Variants in PCDHGB5 observed in about 807,000 individuals in gnomAD.
PCDHGB5 encodes the protein protocadherin gamma-B5.
PCDHGB5 carries 48 observed loss-of-function variants against 62.9 expected under a neutral mutation model. The ratio of observed to expected loss-of-function variants is 0.76; its 90% CI spans 0.61 to 0.97. The LOEUF is 0.97. Among genes scored for constraint, PCDHGB5 ranks in the 50% least tolerant of loss-of-function variants. The pLI is 0.00. For synonymous variants in PCDHGB5, 474 were observed against 511.2 expected (o/e 0.93, Z 0.98); for missense variants, 1,118 against 1,198.6 (o/e 0.93, Z 0.99).
chr5:141,426,958 C>A (rs1176636556), intron 1 of PCDHGB5: 1 of 456,728 alleles, frequency 2.2e-6, no homozygotes, highest in South Asian at 1.5e-5. Context: ...GGCACTGCTG[C>A]AATTCAAATT....
At chr5:141,428,002 T>G in intron 1 of PCDHGB5, 1 of 1,601,328 alleles carries the variant, frequency 6.2e-7, no homozygotes, top group Non-Finnish European at 8.5e-7. Context: ...TCCGCACTCT[T>G]CGATATAGTG....
At chr5:141,423,444 A>C (rs1340932902) in intron 1 of PCDHGB5, 1 of 1,614,050 alleles carries the variant, frequency 6.2e-7, no homozygotes. Flanking sequence ...TGCCCACGTC[A>C]CATTTTGTAG....
Position 141,491,992 on chromosome 5 carries a change from T to G in PCDHGB5, c.2398-2815T>G. ...GGCCTCCTTCGAGCTTCCGGTGAAT[T>G]TCGGGCGATTTCCGCGGGTGTCGGG... On this transcript the variant is annotated intron_variant, in intron 1 of 3. Transcript: ENST00000617380. This position sits in a 1 kb window ranked among gnomAD's most constrained non-coding sequence, Gnocchi z 6.9. The G allele has an allele frequency of 1.5e-6, 1 of 684,982 alleles. No homozygotes were observed. The highest frequency in any genetic ancestry group is 2.3e-6 in the Non-Finnish European group (1 of 443,370). The allele number at this position is 684,982 out of a possible 1,614,324, so 42.4% of individuals were successfully genotyped here.
intron 1 of PCDHGB5, chr5:141,402,861 A>G (rs2094315270): frequency 7.0e-7 from 1 of 1,430,150 alleles, no homozygotes; most frequent in Non-Finnish European, 9.2e-7. Context: ...CTTCTAAGGA[A>G]AAGATCACCA....
At position 141,404,150 on chromosome 5, in the gene PCDHGB5, G is replaced by A. The variant is rs1325217999; in HGVS notation, c.2397+3626G>A. ...TTTTACATTAGAAAATTCAGAAGAA[G>A]ATTATTACAGATTGTTGACGGCCCA... is the stretch of plus-strand genomic sequence containing the variant. On this transcript the variant is annotated intron_variant, in intron 1 of 3. Coordinates refer to ENST00000617380, the MANE Select transcript of PCDHGB5 (RefSeq NM_018925.3). 5.0e-6 allele frequency: 8 copies of A among 1,612,830 alleles called. 1 individual carries two copies. In the Middle Eastern group the frequency reaches 6.6e-4, roughly 133 times the overall value.
Position 141,398,388 on chromosome 5 carries a change from C to G in PCDHGB5, c.261C>G (p.Ser87Arg). ...CAGAGAGCGGGGAGTTGCTTGTGAG[C>G]AGCAGGCTAGACAGGGAGGAGATAT... ...VSAESGELLV[S>R]SRLDREEICG... Residue 87 changes from serine (S) to arginine (R), a missense_variant, in exon 1 of 4, where the codon AGC (serine) becomes AGG (arginine). Coordinates refer to ENST00000617380, the MANE Select transcript of PCDHGB5 (RefSeq NM_018925.3). 1 of 1,454,974 alleles carries G rather than the reference C, an allele frequency of 6.9e-7. No individual in the cohort carries two copies. Among genetic ancestry groups the G allele is most frequent in the African/African-American group, 1.4e-5 (1 of 70,568 alleles). 90.1% of individuals were successfully genotyped at this position (1,454,974 alleles called of 1,614,324 possible).
Position 141,490,982 on chromosome 5 carries a change from G to A in PCDHGB5, c.2398-3825G>A, listed in dbSNP as rs964673026. 5 of 1,613,994 alleles carry A rather than the reference G, an allele frequency of 3.1e-6. No homozygotes were observed. Among genetic ancestry groups the A allele is most frequent in the Admixed American group, 1.7e-5 (1 of 60,020 alleles). On this transcript the variant is annotated intron_variant, in intron 1 of 3. Coordinates refer to ENST00000617380, the MANE Select transcript of PCDHGB5 (RefSeq NM_018925.3). This position sits in a 1 kb window ranked among gnomAD's most constrained non-coding sequence, Gnocchi z 5.4. The stretch of plus-strand genomic sequence containing the variant: ...CACTCAGCCCCCCAGCGTCTCCCTC[G>A]CTCTGCTCCTCCTGGCTCCTTGGTC...
At chr5:141,422,721 G>A in intron 1 of PCDHGB5, 1 of 1,605,664 alleles carries the variant, frequency 6.2e-7, no homozygotes, top group East Asian at 2.2e-5. Flanking sequence ...ACACTGTCCA[G>A]GGGGTGCCTC....
chr5:141,492,460 G>T (rs2099740851), intron 1 of PCDHGB5, among the ~76,000 whole-genome samples: 1 of 152,218 alleles, frequency 6.6e-6, no homozygotes, highest in African/African-American at 2.4e-5. Flanking sequence ...GCGCGCCTGA[G>T]GGTCCCAGAT....
In PCDHGB5 at chr5:141,432,645, C is replaced by T. The variant is rs758701539; in HGVS notation, c.2397+32121C>T. On this transcript the variant is annotated intron_variant, in intron 1 of 3. Coordinates refer to ENST00000617380, the MANE Select transcript of PCDHGB5 (RefSeq NM_018925.3). The surrounding 1 kb of genome is among the most constrained non-coding windows in gnomAD (Gnocchi z 6.0). Reference sequence around the variant, plus strand: ...CTGCACACGGGCGAGGTGCGCACGGCGCGAGCCCTGCTGGACAGAGACGCG... The same window carrying T: ...CTGCACACGGGCGAGGTGCGCACGGTGCGAGCCCTGCTGGACAGAGACGCG... 1 of 1,613,746 alleles carries T rather than the reference C, an allele frequency of 6.2e-7. No homozygotes were observed. Among genetic ancestry groups the T allele is most frequent in the Admixed American group, 1.7e-5 (1 of 60,006 alleles).
At chr5:141,419,464 C>T (rs199965876) in intron 1 of PCDHGB5, 35 of 1,612,542 alleles carry the variant, frequency 2.2e-5, no homozygotes, top group Middle Eastern at 1.7e-4. Context: ...TGCAGGCCCG[C>T]GACCAGGGCT....
At chr5:141,508,017 G>C (rs2099865601) in intron 3 of PCDHGB5, 1 of 152,310 alleles carries the variant, frequency 6.6e-6, no homozygotes, top group Non-Finnish European at 1.5e-5. Context: ...TCTCAAGGAG[G>C]CTGCGGTTTG....
chr5:141,404,018 G>A (rs1280619437), intron 1 of PCDHGB5: 1 of 1,613,864 alleles, frequency 6.2e-7, no homozygotes, highest in African/African-American at 1.3e-5. Flanking sequence ...GTTTAGCCCA[G>A]TGAGAGAAGA....
intron 1 of PCDHGB5, chr5:141,421,214 G>T (rs1469085534): frequency 5.1e-6 from 8 of 1,561,612 alleles, no homozygotes; most frequent in Non-Finnish European, 6.9e-6. Flanking sequence ...CGGAATATCG[G>T]CTTAGAGCCT....
At chr5:141,410,105 A>G in intron 1 of PCDHGB5, 1 of 1,612,376 alleles carries the variant, frequency 6.2e-7, no homozygotes, top group South Asian at 1.1e-5. Context: ...CTTAGGCGAC[A>G]GGGACGCAGC....
intron 1 of PCDHGB5, among the ~76,000 whole-genome samples, chr5:141,462,819 A>G (rs1182498111): frequency 6.6e-6 from 1 of 152,210 alleles, no homozygotes; most frequent in East Asian, 1.9e-4. Context: ...TTTATTGGAC[A>G]GCAGACATTG....
chr5:141,481,691 C>G (rs929210528), intron 1 of PCDHGB5, among the ~76,000 whole-genome samples: 3 of 152,080 alleles, frequency 2.0e-5, no homozygotes, highest in African/African-American at 4.8e-5. Context: ...TGGTGGCTCA[C>G]GCCTGTAATC....
intron 1 of PCDHGB5, among the ~76,000 whole-genome samples, chr5:141,438,591 CATATAT>C (rs946798767): frequency 1.2e-3 from 91 of 75,538 alleles, no homozygotes; most frequent in Non-Finnish European, 1.7e-3. Flanking sequence ...TACATACATA[CATATAT>C]ATATATATAT....
intron 1 of PCDHGB5, among the ~76,000 whole-genome samples, chr5:141,444,006 G>T (rs1279816416): frequency 2.0e-5 from 3 of 152,012 alleles, no homozygotes; most frequent in Non-Finnish European, 4.4e-5. Flanking sequence ...TGCTACCTGG[G>T]TATTGGCTTC....
Sources: gnomAD v4.1 joint callset for allele counts (sites outside exome capture counted in the v4.1 genomes callset) on GRCh38, gnomAD v4.1.1 for gene constraint, Gnocchi (gnomAD v3.1) non-coding constraint, MANE v1.5 for transcripts, NCBI Gene and HGNC (gene_info 2026-07-23, HGNC 2026-07-21) for gene names.